UGT1A8: variants seen among roughly 807,000 people sequenced by gnomAD.
The protein encoded by UGT1A8 is UDP-glucuronosyltransferase 1A8.
In UGT1A8, 39 loss-of-function variants were observed where a neutral mutation model predicts 45.3. The observed-to-expected ratio is 0.86, with a 90% CI of 0.67 to 1.12. The LOEUF is 1.12. Among genes scored for constraint, UGT1A8 ranks in the 50% most tolerant of loss-of-function variants. The pLI is 0.00. For synonymous variants in UGT1A8, 275 were observed against 249.2 expected, an observed-to-expected ratio of 1.10 and a Z score of -0.97; for missense variants, 719 against 664.9, an observed-to-expected ratio of 1.08 and a Z score of -0.90.
intron 1 of UGT1A8, among the ~76,000 whole-genome samples, chr2:233,700,819 C>T (rs1330583441): frequency 6.6e-6 from 1 of 151,776 alleles, no homozygotes; most frequent in Admixed American, 6.6e-5. Flanking sequence ...TGTGCTGCAC[C>T]CATTAACTCG....
At position 233,713,131 on chromosome 2, in the gene UGT1A8, C is replaced by T. The variant is rs550853040; in HGVS notation, c.856-53903C>T. ...AGCCACTGGCTCAGCATGCGGGAGGCCTTGCGGGACCTCCATGCGAGAGGC... is the reference window on the plus strand; with the variant it reads ...AGCCACTGGCTCAGCATGCGGGAGGTCTTGCGGGACCTCCATGCGAGAGGC... On this transcript the variant is annotated intron_variant, in intron 1 of 4. Transcript: ENST00000373450. The T allele has an allele frequency of 2.1e-4, 341 of 1,613,802 alleles. 2 individuals carry two copies. The South Asian group carries it at 3.5e-3, about 17-fold the overall frequency.
intron 1 of UGT1A8, among the ~76,000 whole-genome samples, chr2:233,751,179 A>G (rs1253259700): frequency 9.9e-5 from 15 of 151,976 alleles, no homozygotes; most frequent in African/African-American, 3.6e-4. Flanking sequence ...GATATGAGAC[A>G]TGAAGTTAAA....
intron 1 of UGT1A8, among the ~76,000 whole-genome samples, chr2:233,748,582 G>T (rs1210700498): frequency 4.6e-5 from 7 of 151,806 alleles, no homozygotes; most frequent in Non-Finnish European, 1.0e-4. Flanking sequence ...TAAAGAGGTT[G>T]ACTCAGTTCA....
At chr2:233,763,355 T>C (rs1340050072) in intron 1 of UGT1A8, among the ~76,000 whole-genome samples, 1 of 152,264 alleles carries the variant, frequency 6.6e-6, no homozygotes, top group Non-Finnish European at 1.5e-5. Context: ...ACATCTTTAG[T>C]ACTCCTTTGT....
intron 1 of UGT1A8, among the ~76,000 whole-genome samples, chr2:233,739,592 T>C (rs1481710171): frequency 2.0e-5 from 3 of 152,236 alleles, no homozygotes; most frequent in South Asian, 2.1e-4. Flanking sequence ...ATGGGGCCTA[T>C]AGCCCCTTTG....
At position 233,767,727 on chromosome 2, in the gene UGT1A8, T is replaced by C. The variant is rs28946890; in HGVS notation, c.988-122T>C. The C allele has an allele frequency of 9.9e-4, 1,538 of 1,556,204 alleles. 17 individuals are homozygous for C. In the African/African-American group the frequency reaches 0.019, roughly 19 times the overall value. ...CCTCAGAAGCCTTCACAGTTACTGA[T>C]CCTCCCACTCTGTTAAAGACTGTTC... On this transcript the variant is annotated intron_variant, in intron 2 of 4. Coordinates refer to ENST00000373450, the MANE Select transcript of UGT1A8 (RefSeq NM_019076.5).
intron 1 of UGT1A8, chr2:233,743,951 A>G (rs1692602468): frequency 1.4e-5 from 19 of 1,344,342 alleles, no homozygotes; most frequent in Non-Finnish European, 1.9e-5. Context: ...AGGCACTGGC[A>G]CAGCGAGCGG....
At chr2:233,704,256 CT>C (rs59925871) in intron 1 of UGT1A8, among the ~76,000 whole-genome samples, 3,570 of 123,594 alleles carry the variant, frequency 0.029, 58 homozygotes, top group South Asian at 0.052. Context: ...GCCTTTATTG[CT>C]TTTTTTTTTT....
intron 1 of UGT1A8, among the ~76,000 whole-genome samples, chr2:233,655,745 A>G: frequency 6.6e-6 from 1 of 152,104 alleles, no homozygotes; most frequent in Non-Finnish European, 1.5e-5. Context: ...CTGTCCCTGG[A>G]GGTTCACAGA....
intron 1 of UGT1A8, among the ~76,000 whole-genome samples, chr2:233,645,503 A>G (rs2073576224): frequency 6.6e-6 from 1 of 152,238 alleles, no homozygotes; most frequent in Non-Finnish European, 1.5e-5. Flanking sequence ...TAAAATCAAA[A>G]GCAAGTTAGT....
In UGT1A8 at chr2:233,713,810, G is replaced by T. The variant is rs537377644; in HGVS notation, c.856-53224G>T. On this transcript the variant is annotated intron_variant, in intron 1 of 4. Coordinates refer to ENST00000373450, the MANE Select transcript of UGT1A8 (RefSeq NM_019076.5). ...ACCCCAGGCCGATCATGCCCAACAT[G>T]GTCTTCATTGGGGGCATCAACTGTG... 2.5e-6 allele frequency: 4 copies of T among 1,614,058 alleles called. No individual in the cohort carries two copies. The South Asian group carries it at 4.4e-5, about 18-fold the overall frequency.
intron 1 of UGT1A8, among the ~76,000 whole-genome samples, chr2:233,661,994 C>T (rs149681798): frequency 4.6e-5 from 7 of 152,088 alleles, no homozygotes; most frequent in Middle Eastern, 3.4e-3. Flanking sequence ...CCTCACACGG[C>T]GTACTGAGTG....
At chr2:233,666,801 C>A (rs1251197267) in intron 1 of UGT1A8, among the ~76,000 whole-genome samples, 1 of 131,770 alleles carries the variant, frequency 7.6e-6, no homozygotes, top group Admixed American at 7.9e-5. Context: ...CCTCCCCCCT[C>A]CCCCAATCCC....
At position 233,772,698 on chromosome 2, in the gene UGT1A8, A is replaced by C; in HGVS notation, c.*139A>C. Reference sequence around the variant, plus strand: ...AATTAATCAGCCCCAGAGTGCTTTAAAAAATTCTCTTAAATAAAAATAATA... The same window carrying C: ...AATTAATCAGCCCCAGAGTGCTTTACAAAATTCTCTTAAATAAAAATAATA... On this transcript the variant is annotated 3_prime_UTR_variant, in exon 5 of 5. Coordinates refer to ENST00000373450, the MANE Select transcript of UGT1A8 (RefSeq NM_019076.5). 6.7e-7 allele frequency: 1 copy of C among 1,482,372 alleles called. No homozygotes were observed. The highest frequency in any genetic ancestry group is 1.4e-5 in the African/African-American group (1 of 70,578). The allele number at this position is 1,482,372 out of a possible 1,614,324, so 91.8% of individuals were successfully genotyped here. A position where few individuals can be genotyped will look rare whatever the true frequency, so the allele number is the denominator to read the frequency against.
chr2:233,644,517 T>C (rs184090456), intron 1 of UGT1A8, among the ~76,000 whole-genome samples: 132 of 152,134 alleles, frequency 8.7e-4, no homozygotes, highest in Admixed American at 8.5e-3. Context: ...GCCAAGATCA[T>C]ACCACTGCAC....
intron 1 of UGT1A8, among the ~76,000 whole-genome samples, chr2:233,739,884 T>C (rs1299319141): frequency 6.6e-6 from 1 of 151,956 alleles, no homozygotes; most frequent in Non-Finnish European, 1.5e-5. Context: ...ACTGTGTGTT[T>C]CCACCCAAAT....
intron 1 of UGT1A8, among the ~76,000 whole-genome samples, chr2:233,684,999 G>T (rs1188810148): frequency 1.3e-5 from 2 of 152,102 alleles, no homozygotes; most frequent in Non-Finnish European, 2.9e-5. Context: ...TGTGTATGTG[G>T]TGTTTGTGCA....
At chr2:233,651,445 A>G (rs2073739597) in intron 1 of UGT1A8, among the ~76,000 whole-genome samples, 1 of 152,112 alleles carries the variant, frequency 6.6e-6, no homozygotes, top group African/African-American at 2.4e-5. Context: ...GTTTTTTTGT[A>G]TGTATTAAAG....
At chr2:233,705,327 A>G (rs922136866) in intron 1 of UGT1A8, among the ~76,000 whole-genome samples, 6 of 152,132 alleles carry the variant, frequency 3.9e-5, no homozygotes, top group African/African-American at 1.4e-4. Context: ...TCAGCAACAC[A>G]TTCTCTCAAT....
Sources: gnomAD v4.1 joint callset for allele counts (sites outside exome capture counted in the v4.1 genomes callset) on GRCh38, gnomAD v4.1.1 for gene constraint, MANE v1.5 for transcripts, NCBI Gene and HGNC (gene_info 2026-07-23, HGNC 2026-07-21) for gene names.